The following PLB1 variants were observed in gnomAD, a reference collection of about 807,000 sequenced individuals.
PLB1 encodes phospholipase B1, membrane-associated.
A neutral mutation model predicts 227.4 loss-of-function variants in PLB1; 242 were observed. The ratio of observed to expected loss-of-function variants is 1.06; its 90% confidence interval spans 0.96 to 1.18. The LOEUF (loss-of-function observed/expected upper bound fraction) is 1.18. PLB1 is among the 50% of genes most tolerant of loss of function. PLB1 has a pLI of 0.00. For missense variants in PLB1, 1,858 were observed against 1,816.3 expected (o/e 1.02, Z -0.42); for synonymous variants, 757 against 682.2 (o/e 1.11, Z -1.71).
chr2:28,628,983 A>G lies in PLB1; in HGVS notation c.3727-111A>G, dbSNP rs1395755246. 8.1e-6 allele frequency: 7 copies of G among 861,526 alleles called. No homozygotes were observed. In the African/African-American group the frequency reaches 1.0e-4, roughly 13 times the overall value. The allele number at this position is 861,526 out of a possible 1,614,324, so 53.4% of individuals were successfully genotyped here. Reference sequence around the variant, plus strand: ...AAGTTGCATCCCCTCTCTGGGCCTCAGTTTCTTCATTGGTAAAATTGAGGG... The same window carrying G: ...AAGTTGCATCCCCTCTCTGGGCCTCGGTTTCTTCATTGGTAAAATTGAGGG... On this transcript the variant is annotated intron_variant, in intron 52 of 57. Coordinates refer to ENST00000327757, the MANE Select transcript of PLB1 (RefSeq NM_153021.5).
In PLB1 at chr2:28,525,900, T is replaced by G. The variant is rs760829669; in HGVS notation, c.285-5T>G. On this transcript the variant is annotated splice_region_variant and splice_polypyrimidine_tract_variant and intron_variant, in intron 5 of 57. Transcript: ENST00000327757. ...TGACACTCACATGCCTGCTTCTACC[T>G]GCAGGACTGAAAGGCCACAGCAGGT... 7 of 1,613,906 alleles carry G rather than the reference T, an allele frequency of 4.3e-6. No individual in the cohort carries two copies. The South Asian group carries it at 7.7e-5, about 18-fold the overall frequency.
Position 28,598,018 on chromosome 2 carries a change from G to T in PLB1, c.2335G>T (p.Gly779Cys). ...RGLSYSAGGD[G>C]SLENVTTLPN... ...CACTCCCTACAGTGCAGGAGGGGAC[G>T]GCTCCCTGGAGAATGTGACCACCTT... The change falls in exon 34 of 58, where the codon GGC (glycine) becomes TGC (cysteine). Residue 779 changes from glycine (G) to cysteine (C), a missense_variant. Physicochemically the swap from Gly to Cys is radical, Grantham distance 159. Coordinates refer to ENST00000327757, the MANE Select transcript of PLB1 (RefSeq NM_153021.5). 8.7e-6 allele frequency: 14 copies of T among 1,613,284 alleles called. No individual in the cohort carries two copies. Among genetic ancestry groups the T allele is most frequent in the Non-Finnish European group, 1.2e-5 (14 of 1,179,344 alleles).
intron 16 of PLB1, among the ~76,000 whole-genome samples, chr2:28,551,410 G>A (rs771119306): frequency 7.2e-5 from 11 of 152,244 alleles, no homozygotes; most frequent in Non-Finnish European, 1.3e-4. Flanking sequence ...GGGGGACTGA[G>A]GTGAGCTGAG....
chr2:28,633,975 C>A (rs902310720), intron 56 of PLB1, among the ~76,000 whole-genome samples: 1 of 152,206 alleles, frequency 6.6e-6, no homozygotes, highest in African/African-American at 2.4e-5. Flanking sequence ...ACGTTCCCAC[C>A]CCTGTCAGCT....
At chr2:28,611,652 G>A (rs1685475956) in intron 43 of PLB1, among the ~76,000 whole-genome samples, 2 of 152,152 alleles carry the variant, frequency 1.3e-5, no homozygotes, top group African/African-American at 4.8e-5. Flanking sequence ...TGCTCAACCA[G>A]CATGGGTCAC....
intron 38 of PLB1, 65 bp downstream of exon 38, chr2:28,602,029 G>A (rs770724241): frequency 2.9e-5 from 39 of 1,368,098 alleles, no homozygotes; most frequent in Non-Finnish European, 3.7e-5. Context: ...GTGGATGGGG[G>A]GAAAGAATGA....
chr2:28,602,919 C>T lies in PLB1; in HGVS notation c.2772C>T (p.Ala924=). Residue 924 remains alanine (A), a splice_region_variant and synonymous_variant, in exon 39 of 58, where the codon GCC becomes GCT. Coordinates refer to ENST00000327757, the MANE Select transcript of PLB1 (RefSeq NM_153021.5). The part of the protein sequence containing the change: ...GNPDKCPVQQ[A]SVLCNCVLTL... ...CAGACAAGTGCCCAGTGCAGCAGGC[C>T]AGGTAGGCAGGTCCTGGCTGTCCCC... 6.2e-7 allele frequency: 1 copy of T among 1,613,792 alleles called. No homozygotes were observed.
At chr2:28,581,497 ATAAATAAATAAAT>A (rs1679976973) in intron 23 of PLB1, among the ~76,000 whole-genome samples, 1 of 104,926 alleles carries the variant, frequency 9.5e-6, no homozygotes, top group Non-Finnish European at 1.9e-5. Flanking sequence ...AAATAAATAA[ATAAATAAATAAAT>A]AAATAAATAA....
chr2:28,634,428 A>C (rs912746467), intron 56 of PLB1, among the ~76,000 whole-genome samples: 9 of 152,150 alleles, frequency 5.9e-5, no homozygotes, highest in African/African-American at 2.2e-4. Flanking sequence ...CTGAGACCTC[A>C]GGGGATTCCA....
chr2:28,497,242 G>A (rs1666563528), intron 1 of PLB1, among the ~76,000 whole-genome samples: 1 of 152,126 alleles, frequency 6.6e-6, no homozygotes, highest in African/African-American at 2.4e-5. Flanking sequence ...GTTCCACTCT[G>A]AAGCTTGTCC....
chr2:28,518,484 T>C lies in PLB1; in HGVS notation c.136T>C (p.Phe46Leu). ...ATTGCAGACCCTGAAGAATTCTCCATTCCCATGCAACCCAAATAAATTAGG... is the reference window on the plus strand; with the variant it reads ...ATTGCAGACCCTGAAGAATTCTCCACTCCCATGCAACCCAAATAAATTAGG... Reference protein sequence around the residue: ...LWPETLKNSPFPCNPNKLGVN... With the variant: ...LWPETLKNSPLPCNPNKLGVN... The change falls in exon 3 of 58, where the codon TTC becomes CTC. Residue 46 changes from phenylalanine (F) to leucine (L), a missense_variant. By Grantham distance (22) the Phe-to-Leu change is conservative (BLOSUM62 0). Transcript: ENST00000327757. 1 of 1,612,830 alleles carries C rather than the reference T, an allele frequency of 6.2e-7. No homozygotes were observed.
rs777646849 is a variant in PLB1 at position 28,579,616 on chromosome 2, A to G, written c.1486-11A>G. On this transcript the variant is annotated splice_polypyrimidine_tract_variant and intron_variant, in intron 22 of 57. Coordinates refer to ENST00000327757, the MANE Select transcript of PLB1 (RefSeq NM_153021.5). ...ACAAGGTGCTTACTTCTGTGTTTCT[A>G]TTCATTTCAGAGGATACACTTTCAG... The G allele has an allele frequency of 2.4e-5, 38 of 1,604,716 alleles. No individual in the cohort carries two copies. The Middle Eastern group carries it at 4.9e-4, about 21-fold the overall frequency.
chr2:28,623,907 G>A (rs1687373081), intron 49 of PLB1, among the ~76,000 whole-genome samples: 1 of 152,166 alleles, frequency 6.6e-6, no homozygotes, highest in African/African-American at 2.4e-5. Context: ...ACCAGTCTGA[G>A]CAACTTGGTG....
chr2:28,544,438 C>G (rs1426155971), intron 14 of PLB1, among the ~76,000 whole-genome samples: 3 of 152,204 alleles, frequency 2.0e-5, no homozygotes, highest in African/African-American at 4.8e-5. Flanking sequence ...TTCTCCCAAC[C>G]AACAAAAGGA....
rs2272385 is a variant in PLB1, at chr2:28,643,712, C to A, written c.*651C>A. 2.0e-5 allele frequency: 3 copies of A among 152,100 alleles called. No homozygotes were observed. Among genetic ancestry groups the A allele is most frequent in the African/African-American group, 7.2e-5 (3 of 41,404 alleles). The allele number at this position is 152,100 out of a possible 1,614,324, so 9.4% of individuals were successfully genotyped here. On this transcript the variant is annotated 3_prime_UTR_variant, in exon 58 of 58. Transcript: ENST00000327757. Reference sequence around the variant, plus strand: ...GTTTTAAAGAATAGAAAGGGTTCTTCGGGGAAAGTTTCTTGGGGGAGAGCA... The same window carrying A: ...GTTTTAAAGAATAGAAAGGGTTCTTAGGGGAAAGTTTCTTGGGGGAGAGCA...
At chr2:28,518,738 A>G (rs560065486) in intron 3 of PLB1, among the ~76,000 whole-genome samples, 1 of 152,202 alleles carries the variant, frequency 6.6e-6, no homozygotes, top group Admixed American at 6.5e-5. Context: ...AATCTCCAGG[A>G]TCTTGCCTTC....
At position 28,601,320 on chromosome 2, in the gene PLB1, C is replaced by T; in HGVS notation, c.2595C>T (p.Tyr865=). Residue 865 remains tyrosine, a synonymous_variant, in exon 37 of 58, where the codon TAC becomes TAT. Coordinates refer to ENST00000327757, the MANE Select transcript of PLB1 (RefSeq NM_153021.5). The part of the protein sequence containing the change: ...VLIGGSDLCD[Y]CTDSNLYSAA... The stretch of plus-strand genomic sequence containing the variant: ...TCGGAGGCAGCGATTTATGTGACTA[C>T]TGCACAGATTCGGTAATTGGGGCCA... The T allele has an allele frequency of 1.2e-6, 2 of 1,614,044 alleles. No individual in the cohort carries two copies. Among genetic ancestry groups the T allele is most frequent in the East Asian group, 2.2e-5 (1 of 44,890 alleles).
Position 28,505,110 on chromosome 2 carries a change from A to G in PLB1, c.55+8941A>G, listed in dbSNP as rs180979162. 3.9e-4 allele frequency among the ~76,000 whole-genome samples: 59 copies of G among 152,322 alleles called. No individual in the cohort carries two copies. In the Middle Eastern group the frequency reaches 0.014, roughly 35 times the overall value. ...TCTATGATAAGCACAGTTCATGTAT[A>G]ACAGCCTTCCTTTAAGATGGTCTGT... On this transcript the variant is annotated intron_variant, in intron 1 of 57. Coordinates refer to ENST00000327757, the MANE Select transcript of PLB1 (RefSeq NM_153021.5).
At chr2:28,529,671 A>C in intron 7 of PLB1, 57 bp from the exon 8 acceptor site, 2 of 1,542,532 alleles carry the variant, frequency 1.3e-6, no homozygotes, top group Non-Finnish European at 1.8e-6. Context: ...GCAAGCTTCC[A>C]GCCCTTAACA....
Sources: allele counts gnomAD v4.1 joint callset (sites outside exome capture counted in the v4.1 genomes callset), GRCh38; gene constraint gnomAD v4.1.1; transcripts MANE v1.5; gene names NCBI Gene and HGNC (gene_info 2026-07-23, HGNC 2026-07-21).